The following NEBL variants were observed in gnomAD, a reference collection of about 807,000 sequenced individuals.
NEBL encodes nebulette.
In NEBL, 122 loss-of-function variants were observed where a neutral mutation model predicts 140.2. That is an observed-to-expected ratio of 0.87 (90% CI 0.75 to 1.01). The LOEUF is 1.01. Ranked by LOEUF, NEBL falls within the 50% of genes least tolerant of loss-of-function variation. NEBL has a pLI of 0.00. For missense variants in NEBL, 1,365 were observed against 1,231.3 expected, an observed-to-expected ratio of 1.11 and a Z score of -1.62; for synonymous variants, 436 against 398.9, an observed-to-expected ratio of 1.09 and a Z score of -1.11.
chr10:20,817,755 G>C (rs1363795778), intron 20 of NEBL, 63 bp from the exon 21 acceptor site: 2 of 1,301,558 alleles, frequency 1.5e-6, no homozygotes, highest in Non-Finnish European at 1.1e-6. Context: ...ATACCACAAA[G>C]GACAAGGCTC....
chr10:21,085,527 T>C (rs1445946843), intron 2 of NEBL, among the ~76,000 whole-genome samples: 1 of 152,100 alleles, frequency 6.6e-6, no homozygotes, highest in East Asian at 1.9e-4. Flanking sequence ...CCCAGCTACT[T>C]GGGAGACTGA....
chr10:21,290,511 C>T (rs1564556976), intron 1 of NEBL, among the ~76,000 whole-genome samples: 1 of 152,172 alleles, frequency 6.6e-6, no homozygotes, highest in Non-Finnish European at 1.5e-5. Context: ...ATAGCCCCTT[C>T]CTAGGAATCT....
chr10:20,933,802 T>C (rs1170746932), intron 4 of NEBL, among the ~76,000 whole-genome samples: 1 of 152,110 alleles, frequency 6.6e-6, no homozygotes, highest in East Asian at 1.9e-4. Context: ...TGAATTCAGA[T>C]ACAACACAAA....
chr10:20,833,528 G>A (rs998622617), intron 14 of NEBL, among the ~76,000 whole-genome samples: 7 of 152,108 alleles, frequency 4.6e-5, no homozygotes, highest in Non-Finnish European at 7.3e-5. Flanking sequence ...TTCTCAGCCT[G>A]AGAGTGGAGA....
At chr10:21,157,848 T>C (rs1840395293) in intron 2 of NEBL, among the ~76,000 whole-genome samples, 1 of 152,098 alleles carries the variant, frequency 6.6e-6, no homozygotes, top group African/African-American at 2.4e-5. Context: ...TGGGCCCTAA[T>C]ACAAGATGGC....
chr10:21,086,730 T>C (rs138323077), intron 2 of NEBL, among the ~76,000 whole-genome samples: 1 of 152,202 alleles, frequency 6.6e-6, no homozygotes, highest in Non-Finnish European at 1.5e-5. Context: ...TGAGCCATGA[T>C]CGTGCCACTG....
chr10:20,895,729 T>C (rs984453967), intron 2 of NEBL, among the ~76,000 whole-genome samples: 6 of 152,196 alleles, frequency 3.9e-5, no homozygotes, highest in Non-Finnish European at 8.8e-5. Context: ...GGAAAGGGTA[T>C]GATTTCCACC....
chr10:21,222,321 T>C (rs1842081564), intron 3 of NEBL, among the ~76,000 whole-genome samples: 1 of 152,090 alleles, frequency 6.6e-6, no homozygotes, highest in Non-Finnish European at 1.5e-5. Flanking sequence ...GAAACTAGGT[T>C]TCAGTTTAAT....
intron 27 of NEBL, 37 bp downstream of exon 27, chr10:20,787,165 G>T: frequency 2.1e-6 from 3 of 1,456,384 alleles, no homozygotes; most frequent in South Asian, 1.2e-5. Context: ...GAAATGGGAA[G>T]ACCAGCTAAG....
chr10:20,785,984 A>G (rs1564322489), intron 27 of NEBL, 61 bp from the exon 28 acceptor site: 1 of 1,492,178 alleles, frequency 6.7e-7, no homozygotes. Flanking sequence ...ACAAATTCCA[A>G]TCACAACACA....
intron 1 of NEBL, among the ~76,000 whole-genome samples, chr10:21,268,474 C>T (rs1002366974): frequency 4.6e-5 from 7 of 151,866 alleles, no homozygotes; most frequent in Non-Finnish European, 7.4e-5. Flanking sequence ...CAGAGCAAGG[C>T]TCTATCTCTA....
At chr10:21,029,718 G>A (rs1370428872) in intron 2 of NEBL, 14 of 884,354 alleles carry the variant, frequency 1.6e-5, no homozygotes, top group South Asian at 1.5e-4. Flanking sequence ...ATTGGTATGA[G>A]TATCGGGATG....
chr10:20,966,952 T>C (rs996849099), intron 3 of NEBL, among the ~76,000 whole-genome samples: 6 of 152,198 alleles, frequency 3.9e-5, no homozygotes, highest in African/African-American at 1.4e-4. Context: ...TAATTGGAGA[T>C]TATGTAGGTC....
intron 22 of NEBL, among the ~76,000 whole-genome samples, chr10:20,814,617 T>TACAAACACACAC (rs1554775383): frequency 6.8e-6 from 1 of 146,418 alleles, no homozygotes; most frequent in African/African-American, 2.6e-5. Flanking sequence ...CATACACACA[T>TACAAACACACAC]ACACACACAC....
chr10:21,117,896 A>G (rs1170651073), intron 2 of NEBL, among the ~76,000 whole-genome samples: 3 of 152,146 alleles, frequency 2.0e-5, no homozygotes, highest in Non-Finnish European at 4.4e-5. Flanking sequence ...ATCTAACCTG[A>G]GTCCACCTGA....
intron 2 of NEBL, among the ~76,000 whole-genome samples, chr10:21,111,162 T>C (rs1837993838): frequency 6.6e-6 from 1 of 152,144 alleles, no homozygotes; most frequent in Non-Finnish European, 1.5e-5. Flanking sequence ...AAAATGACCA[T>C]ATTTCCCAAG....
chr10:20,914,503 G>A (rs1848457423), intron 4 of NEBL, among the ~76,000 whole-genome samples: 1 of 152,306 alleles, frequency 6.6e-6, no homozygotes, highest in African/African-American at 2.4e-5. Flanking sequence ...ATCAGGGACA[G>A]GAACCTTTCA....
At chr10:21,149,100 C>G (rs1388226881) in intron 2 of NEBL, among the ~76,000 whole-genome samples, 1 of 152,134 alleles carries the variant, frequency 6.6e-6, no homozygotes, top group Non-Finnish European at 1.5e-5. Context: ...TGTCTAATCA[C>G]ATTTCTCCAT....
intron 3 of NEBL, among the ~76,000 whole-genome samples, chr10:21,227,695 C>CT (rs1164218691): frequency 5.5e-4 from 50 of 90,168 alleles, no homozygotes; most frequent in Middle Eastern, 5.0e-3. Context: ...TCTTCTTCTT[C>CT]TTCTTCTTCT....
Sources: allele counts gnomAD v4.1 joint callset (sites outside exome capture counted in the v4.1 genomes callset), GRCh38; gene constraint gnomAD v4.1.1; transcripts MANE v1.5; gene names NCBI Gene and HGNC (gene_info 2026-07-23, HGNC 2026-07-21).